Variants in GPR157 observed in about 807,000 individuals in gnomAD.
GPR157 encodes the protein G-protein coupled receptor 157.
In GPR157, 16 loss-of-function variants were observed where a neutral mutation model predicts 23.5. The observed-to-expected ratio is 0.68, with a 90% CI of 0.46 to 1.04. The LOEUF (loss-of-function observed/expected upper bound fraction) is 1.04. Among genes scored for constraint, GPR157 ranks in the 50% least tolerant of loss-of-function variants. The pLI is 0.00. For synonymous variants in GPR157, 200 were observed against 221.5 expected (o/e 0.90, Z 0.86); for missense variants, 440 against 460.7 (o/e 0.96, Z 0.41).
At chr1:9,108,222 C>T (rs1038422606) in intron 2 of GPR157, among the ~76,000 whole-genome samples, 3 of 152,160 alleles carry the variant, frequency 2.0e-5, no homozygotes, top group Admixed American at 6.5e-5. Context: ...TATCTCTCAG[C>T]CCCCAATCTT....
chr1:9,127,248 G>A (rs369791187), intron 1 of GPR157, among the ~76,000 whole-genome samples: 4 of 152,020 alleles, frequency 2.6e-5, no homozygotes, highest in South Asian at 4.1e-4. Context: ...AATGAGAACC[G>A]AACAGAAAAA....
chr1:9,109,079 ATTTTTTT>A (rs35405293), intron 2 of GPR157, among the ~76,000 whole-genome samples: 4 of 121,930 alleles, frequency 3.3e-5, no homozygotes, highest in South Asian at 5.1e-4. Flanking sequence ...CCCGGCCCTA[ATTTTTTT>A]TTTTTTTTTT....
intron 2 of GPR157, among the ~76,000 whole-genome samples, chr1:9,109,397 T>A (rs1039145713): frequency 1.3e-5 from 2 of 151,096 alleles, no homozygotes; most frequent in African/African-American, 4.9e-5. Flanking sequence ...TTTTAATTTT[T>A]ATTTATTTTT....
intron 1 of GPR157, among the ~76,000 whole-genome samples, chr1:9,114,437 T>C (rs959660123): frequency 2.0e-5 from 3 of 151,816 alleles, no homozygotes; most frequent in Non-Finnish European, 2.9e-5. Context: ...CGCTAAGGAA[T>C]TCTGGGAAGG....
chr1:9,123,303 ATTTAAATATATATTAAAAT>A (rs1638857128), intron 1 of GPR157, among the ~76,000 whole-genome samples: 5 of 47,362 alleles, frequency 1.1e-4, no homozygotes, highest in African/African-American at 4.2e-4. Context: ...TATATATTTA[ATTTAAATATATATTAAAAT>A]ATATATATTT....
chr1:9,116,888 C>T (rs1021304936), intron 1 of GPR157, among the ~76,000 whole-genome samples: 7 of 152,046 alleles, frequency 4.6e-5, no homozygotes, highest in Admixed American at 4.6e-4. Flanking sequence ...ACTACAGACA[C>T]ATGCTACCAT....
Position 9,128,355 on chromosome 1 carries a change from C to T in GPR157, c.383+290G>A, listed in dbSNP as rs2124535067. 1.5e-6 allele frequency: 1 copy of T among 660,070 alleles called. No homozygotes were observed. Among genetic ancestry groups the T allele is most frequent in the African/African-American group, 1.8e-5 (1 of 56,588 alleles). The allele number at this position is 660,070 out of a possible 1,614,324, so 40.9% of individuals were successfully genotyped here. On this transcript the variant is annotated intron_variant, in intron 1 of 3. Transcript: ENST00000377411. The surrounding 1 kb of genome is among the most constrained non-coding windows in gnomAD (Gnocchi z 6.3). ...GGTCACAAGGGGCTCAGAGTGTCCT[C>T]CCCAGCCCCGTCCAAGGAAACAGGG...
chr1:9,108,031 G>A (rs980120055), intron 2 of GPR157, among the ~76,000 whole-genome samples: 1 of 147,226 alleles, frequency 6.8e-6, no homozygotes, highest in African/African-American at 2.5e-5. Context: ...GGAAGTTGCA[G>A]TGAGCCAAGA....
intron 1 of GPR157, among the ~76,000 whole-genome samples, chr1:9,117,805 C>CA (rs200811303): frequency 3.2e-4 from 49 of 151,656 alleles, no homozygotes; most frequent in South Asian, 2.9e-3. Context: ...CACAAAAAAA[C>CA]AAAAAAAACC....
At chr1:9,114,920 CAAAAA>C (rs70985588) in intron 1 of GPR157, among the ~76,000 whole-genome samples, 1 of 85,506 alleles carries the variant, frequency 1.2e-5, no homozygotes, top group Non-Finnish European at 2.3e-5. Context: ...GACTCCGTCT[CAAAAA>C]AAAAAAAAAA....
chr1:9,127,047 A>G (rs1638977030), intron 1 of GPR157, among the ~76,000 whole-genome samples: 1 of 151,840 alleles, frequency 6.6e-6, no homozygotes, highest in Non-Finnish European at 1.5e-5. Context: ...CACCATGCCC[A>G]GCTAATTTTT....
rs538568638 is a variant in GPR157 at position 9,105,551 on chromosome 1, C to T, written c.727G>A (p.Val243Met). ...IFIGLRVWST[V>M]RFVLTLCGSP... ...CCACAGAGGGTCAGCACGAACCGCACGGTGCTCCAGACCCTGAGGCCGATG... is the reference window on the plus strand; with the variant it reads ...CCACAGAGGGTCAGCACGAACCGCATGGTGCTCCAGACCCTGAGGCCGATG... The change falls in exon 3 of 4, where the codon GTG becomes ATG. Residue 243 changes from valine (V) to methionine (M), a missense_variant. Val to Met is a conservative substitution (Grantham distance 21). Transcript: ENST00000377411. This position sits in a 1 kb window ranked among gnomAD's most constrained non-coding sequence, Gnocchi z 4.8. 41 of 1,601,206 alleles carry T rather than the reference C, an allele frequency of 2.6e-5. No individual in the cohort carries two copies. The highest frequency in any genetic ancestry group is 1.6e-4 in the Middle Eastern group (1 of 6,066).
intron 1 of GPR157, among the ~76,000 whole-genome samples, chr1:9,116,767 G>T (rs192570428): frequency 5.2e-4 from 79 of 151,584 alleles, no homozygotes; most frequent in African/African-American, 1.9e-3. Context: ...TTAGAGACAG[G>T]GTCTTGCTCT....
rs1176907594 is a variant in GPR157 at position 9,118,009 on chromosome 1, G to A, written c.384-6520C>T. 1.3e-5 allele frequency among the ~76,000 whole-genome samples: 2 copies of A among 152,204 alleles called. No homozygotes were observed. The highest frequency in any genetic ancestry group is 4.8e-5 in the African/African-American group (2 of 41,452). Reference sequence around the variant, plus strand: ...GGGTCATCCTGCTGCTCAGATGTGGGTGGCTCAGAACAGCCAATGGCTGGT... The same window carrying A: ...GGGTCATCCTGCTGCTCAGATGTGGATGGCTCAGAACAGCCAATGGCTGGT... On this transcript the variant is annotated intron_variant, in intron 1 of 3. Transcript: ENST00000377411. The surrounding 1 kb of genome is among the most constrained non-coding windows in gnomAD (Gnocchi z 4.6).
At position 9,104,359 on chromosome 1, in the gene GPR157, A is replaced by G; in HGVS notation, c.*60T>C. ...ACTTCTGCCCCTGCAGCAGGGACTCACAGAAGTGCCTACCCCCAGGAAGGC... is the reference window on the plus strand; with the variant it reads ...ACTTCTGCCCCTGCAGCAGGGACTCGCAGAAGTGCCTACCCCCAGGAAGGC... On this transcript the variant is annotated 3_prime_UTR_variant, in exon 4 of 4. Transcript: ENST00000377411. 3.1e-6 allele frequency: 4 copies of G among 1,297,340 alleles called. No homozygotes were observed. In the South Asian group the frequency reaches 4.9e-5, roughly 16 times the overall value. 80.4% of individuals were successfully genotyped at this position (1,297,340 alleles called of 1,614,324 possible).
intron 1 of GPR157, among the ~76,000 whole-genome samples, chr1:9,124,272 C>A (rs1638918403): frequency 6.6e-6 from 1 of 152,122 alleles, no homozygotes; most frequent in African/African-American, 2.4e-5. Context: ...AAGGGAGACT[C>A]CCTGAAACTA....
intron 1 of GPR157, among the ~76,000 whole-genome samples, chr1:9,117,977 G>T (rs1638721947): frequency 6.6e-6 from 1 of 152,196 alleles, no homozygotes; most frequent in Non-Finnish European, 1.5e-5. Context: ...AATTCATGTG[G>T]TTGGAGGGGT....
At position 9,104,228 on chromosome 1, in the gene GPR157, A is replaced by C. The variant is rs1642605758; in HGVS notation, c.*191T>G. On this transcript the variant is annotated 3_prime_UTR_variant, in exon 4 of 4. Transcript: ENST00000377411. ...GGGCCAGGACGCTGGTACCGGTGGA[A>C]CTTGCTGCCTGAGGATCTAGGAGGT... 1.7e-6 allele frequency: 1 copy of C among 584,332 alleles called. No individual in the cohort carries two copies. Among genetic ancestry groups the C allele is most frequent in the Admixed American group, 3.0e-5 (1 of 33,540 alleles). 36.2% of individuals were successfully genotyped at this position (584,332 alleles called of 1,614,324 possible).
intron 2 of GPR157, among the ~76,000 whole-genome samples, chr1:9,109,403 T>G (rs900308135): frequency 4.6e-5 from 7 of 151,352 alleles, no homozygotes; most frequent in Admixed American, 2.6e-4. Flanking sequence ...TTTTTATTTA[T>G]TTTTTTTGAG....
Sources: allele counts gnomAD v4.1 joint callset (sites outside exome capture counted in the v4.1 genomes callset), GRCh38; gene constraint gnomAD v4.1.1; non-coding constraint Gnocchi (gnomAD v3.1); transcripts MANE v1.5; gene names NCBI Gene and HGNC (gene_info 2026-07-23, HGNC 2026-07-21).